LAYN: variants seen among roughly 807,000 people sequenced by gnomAD.
The protein encoded by LAYN is layilin.
LAYN carries 38 observed loss-of-function variants against 43.6 expected under a neutral mutation model. That is an observed-to-expected ratio of 0.87 (90% CI 0.67 to 1.14). The LOEUF (loss-of-function observed/expected upper bound fraction) is 1.14. LAYN is among the 50% of genes most tolerant of loss of function. The pLI is 0.00. For synonymous variants in LAYN, 168 were observed against 172.9 expected, an observed-to-expected ratio of 0.97 and a Z score of 0.22; for missense variants, 479 against 463.8, an observed-to-expected ratio of 1.03 and a Z score of -0.30.
chr11:111,559,243 A>G (rs1233557027), intron 6 of LAYN, among the ~76,000 whole-genome samples: 1 of 152,136 alleles, frequency 6.6e-6, no homozygotes, highest in Non-Finnish European at 1.5e-5. Flanking sequence ...GCTGGGTATA[A>G]TTATTATAAT....
At chr11:111,540,642 G>C (rs1434494407), upstream of LAYN, 1 of 520,308 alleles carries the variant, frequency 1.9e-6, no homozygotes, top group East Asian at 3.6e-5. Flanking sequence ...GCCAGCCAGC[G>C]GGGCTGCCCT....
rs1867877332 is a variant in LAYN at position 111,558,091 on chromosome 11, CT to C, written c.761+452del. Among the ~76,000 whole-genome samples the C allele has an allele frequency of 5.3e-5, 8 of 152,298 alleles. No homozygotes were observed. In the South Asian group the frequency reaches 1.7e-3, roughly 32 times the overall value. On this transcript the variant is annotated intron_variant, in intron 6 of 6. Transcript: ENST00000375614. ...AATTCAAACTGAAAGAGCCAAATTC[CT>C]TTTAACTGACTTTTCTTTTAATTCA...
At chr11:111,543,247 T>C (rs980197223) in intron 1 of LAYN, among the ~76,000 whole-genome samples, 4 of 152,204 alleles carry the variant, frequency 2.6e-5, no homozygotes, top group African/African-American at 9.7e-5. Context: ...CCATAAACAG[T>C]ATCTGCATCA....
chr11:111,557,593 C>T lies in LAYN; in HGVS notation c.711C>T (p.Leu237=), dbSNP rs762183957. ...YILIPSIPLL[L]LLVVTTVVCW... Reference sequence around the variant, plus strand: ...TAATCCCCAGCATTCCCCTTCTCCTCCTCCTTGTGGTCACCACAGTTGTAT... The same window carrying T: ...TAATCCCCAGCATTCCCCTTCTCCTTCTCCTTGTGGTCACCACAGTTGTAT... The change falls in exon 6 of 7, where the codon CTC becomes CTT. Residue 237 remains leucine (L), a synonymous_variant. Transcript: ENST00000375614. The T allele has an allele frequency of 1.2e-6, 2 of 1,614,208 alleles. No individual in the cohort carries two copies. The highest frequency in any genetic ancestry group is 1.7e-6 in the Non-Finnish European group (2 of 1,180,036).
chr11:111,541,037 A>T (rs1310388340), intron 1 of LAYN, 109 bp downstream of exon 1: 1 of 984,622 alleles, frequency 1.0e-6, no homozygotes, highest in African/African-American at 1.7e-5. Flanking sequence ...AGGCCGTCCC[A>T]TGCCCCACTC....
At chr11:111,554,534 T>G (rs768358061) in intron 3 of LAYN, 27 bp from the exon 4 acceptor site, 8 of 1,587,030 alleles carry the variant, frequency 5.0e-6, no homozygotes, top group Non-Finnish European at 6.0e-6. Context: ...TACTACTTAT[T>G]TTTGTTTTTG....
chr11:111,559,302 A>G (rs1167392839), intron 6 of LAYN, among the ~76,000 whole-genome samples: 7 of 152,182 alleles, frequency 4.6e-5, no homozygotes, highest in African/African-American at 1.7e-4. Flanking sequence ...TATAACTGTG[A>G]TATGAAAACA....
At chr11:111,555,040 T>G (rs1430152882) in intron 4 of LAYN, among the ~76,000 whole-genome samples, 167 bp from the exon 5 acceptor site, 1 of 152,230 alleles carries the variant, frequency 6.6e-6, no homozygotes, top group Non-Finnish European at 1.5e-5. Flanking sequence ...AAAGATAATT[T>G]AAACCTCTAG....
intron 3 of LAYN, among the ~76,000 whole-genome samples, chr11:111,551,835 G>A (rs1215365803): frequency 2.6e-5 from 4 of 152,132 alleles, no homozygotes; most frequent in South Asian, 4.1e-4. Context: ...AATAAGATCA[G>A]TAGATTAGAA....
In LAYN at chr11:111,557,524, GCTTT is replaced by G. The variant is rs1277383506; in HGVS notation, c.659-8_659-5del. ...AAAAAACAGCCAATGCTGATCATGTGCTTTCTTTCTTTTCAGAAGCTGCCTTGAA... is the reference window on the plus strand; with the variant it reads ...AAAAAACAGCCAATGCTGATCATGTGCTTTCTTTTCAGAAGCTGCCTTGAA... On this transcript the variant is annotated splice_polypyrimidine_tract_variant and intron_variant, in intron 5 of 6. Coordinates refer to ENST00000375614, the MANE Select transcript of LAYN (RefSeq NM_178834.5). 8.2e-6 allele frequency: 13 copies of G among 1,594,540 alleles called. No individual in the cohort carries two copies. The highest frequency in any genetic ancestry group is 1.1e-5 in the Non-Finnish European group (13 of 1,162,456).
Position 111,551,552 on chromosome 11 carries a change from G to A in LAYN, c.541+1777G>A, listed in dbSNP as rs115523602. 1,653 of 399,062 alleles carry A rather than the reference G, an allele frequency of 4.1e-3. 18 individuals carry two copies. Among genetic ancestry groups the A allele is most frequent in the African/African-American group, 0.02 (982 of 48,584 alleles). The allele number at this position is 399,062 out of a possible 1,614,324, so 24.7% of individuals were successfully genotyped here. ...GGATCGGCACAACCAGACCCTTGCC[G>A]ACCTGTCCAGCTCAATTCTCACCAC... On this transcript the variant is annotated intron_variant, in intron 3 of 6. Coordinates refer to ENST00000375614, the MANE Select transcript of LAYN (RefSeq NM_178834.5).
chr11:111,543,035 G>A (rs1458710946), intron 1 of LAYN, among the ~76,000 whole-genome samples: 1 of 152,184 alleles, frequency 6.6e-6, no homozygotes, highest in African/African-American at 2.4e-5. Flanking sequence ...TCAGGGGACA[G>A]ACTGATAAGA....
At chr11:111,540,706 C>T (rs989439271), upstream of LAYN, 1 of 773,382 alleles carries the variant, frequency 1.3e-6, no homozygotes, top group Non-Finnish European at 1.9e-6. Context: ...TCCGCGCCCT[C>T]CCCCCCGCCT....
Position 111,541,295 on chromosome 11 carries a change from C to T in LAYN, c.85+367C>T, listed in dbSNP as rs548970719. 1.0e-4 allele frequency: 62 copies of T among 602,200 alleles called. 1 individual carries two copies. The highest frequency in any genetic ancestry group is 1.0e-3 in the South Asian group (52 of 50,686). The allele number at this position is 602,200 out of a possible 1,614,324, so 37.3% of individuals were successfully genotyped here. ...TCGAATCAGTCCTTGGGACCACCCC[C>T]GCGGGGCAGGCTTGCCAGCTGGCCC... On this transcript the variant is annotated intron_variant, in intron 1 of 6. Transcript: ENST00000375614.
intron 1 of LAYN, chr11:111,541,486 C>T: frequency 1.4e-6 from 2 of 1,390,390 alleles, no homozygotes; most frequent in Non-Finnish European, 2.0e-6. Flanking sequence ...GAAAGAACTC[C>T]AGTTAGTGTG....
At chr11:111,551,766 C>CTGAACA (rs1867747239) in intron 3 of LAYN, among the ~76,000 whole-genome samples, 2 of 152,116 alleles carry the variant, frequency 1.3e-5, no homozygotes, top group South Asian at 4.1e-4. Context: ...GGGTTGGATC[C>CTGAACA]TGAACATGAT....
Position 111,550,375 on chromosome 11 carries a change from G to T in LAYN, c.541+600G>T, listed in dbSNP as rs368744978. Among the ~76,000 whole-genome samples the T allele has an allele frequency of 2.0e-5, 3 of 152,188 alleles. No individual in the cohort carries two copies. In the East Asian group the frequency reaches 5.8e-4, roughly 29 times the overall value. ...GTTTTGAACTGGCTACAAGCTTGTA[G>T]TTTTGCTATACTTGGGTTTCCCAGA... On this transcript the variant is annotated intron_variant, in intron 3 of 6. Coordinates refer to ENST00000375614, the MANE Select transcript of LAYN (RefSeq NM_178834.5).
chr11:111,540,719 C>T (rs1867513624), upstream of LAYN: 1 of 907,632 alleles, frequency 1.1e-6, no homozygotes, highest in East Asian at 3.3e-5. Context: ...CCCCGCCTCC[C>T]GTGCGGTCCG....
At chr11:111,551,247 G>A (rs1442246895) in intron 3 of LAYN, 7 of 437,684 alleles carry the variant, frequency 1.6e-5, no homozygotes, top group South Asian at 9.9e-5. Flanking sequence ...CCATGCTGAC[G>A]TGGGATGGGG....
Sources: gnomAD v4.1 joint callset for allele counts (sites outside exome capture counted in the v4.1 genomes callset) on GRCh38, gnomAD v4.1.1 for gene constraint, MANE v1.5 for transcripts, NCBI Gene and HGNC (gene_info 2026-07-23, HGNC 2026-07-21) for gene names.